SBF1: variants seen among roughly 807,000 people sequenced by gnomAD.
SBF1 encodes the protein SET binding factor 1.
Under a neutral mutation model 215.8 loss-of-function variants are expected in SBF1, and 65 were observed. That is an observed-to-expected ratio of 0.30 (90% CI 0.25 to 0.37). The LOEUF is 0.37. Among genes scored for constraint, SBF1 ranks in the 10% least tolerant of loss-of-function variants. The pLI is 1.00. For missense variants in SBF1, 2,634 were observed against 2,667.8 expected (o/e 0.99, Z 0.28); for synonymous variants, 1,410 against 1,122.8 (o/e 1.26, Z -5.11).
In SBF1 at chr22:50,461,169, C is replaced by T. The variant is rs933890831; in HGVS notation, c.2957G>A (p.Cys986Tyr). The change falls in exon 23 of 41, where the codon TGC becomes TAC. Residue 986 changes from cysteine (C) to tyrosine (Y), a missense_variant. Cys to Tyr is a radical substitution (Grantham distance 194, BLOSUM62 -2). Transcript: ENST00000380817. ...LLQDGLQLRS[C>Y]TFQLLKMAFD... ...CGCACCGCGCCCCACCTGGAATGTG[C>T]AGGAGCGCAGCTGGAGCCCGTCCTG... is the stretch of plus-strand genomic sequence containing the variant. 1.2e-6 allele frequency: 2 copies of T among 1,604,760 alleles called. No individual in the cohort carries two copies. Among genetic ancestry groups the T allele is most frequent in the African/African-American group, 1.3e-5 (1 of 74,728 alleles).
chr22:50,463,444 G>T lies in SBF1; in HGVS notation c.1750-12C>A, dbSNP rs752142179. On this transcript the variant is annotated splice_polypyrimidine_tract_variant and intron_variant, in intron 15 of 40. Transcript: ENST00000380817. Reference sequence around the variant, plus strand: ...ACGGCTGGGAGCAGCTGGGGGTGGGGAAAGGAGACACGGGCTGAGGGCACA... The same window carrying T: ...ACGGCTGGGAGCAGCTGGGGGTGGGTAAAGGAGACACGGGCTGAGGGCACA... The T allele has an allele frequency of 2.6e-6, 4 of 1,557,950 alleles. No homozygotes were observed. The African/African-American group carries it at 4.1e-5, about 16-fold the overall frequency.
Position 50,461,843 on chromosome 22 carries a change from G to A in SBF1, c.2596C>T (p.Leu866=). The A allele has an allele frequency of 6.2e-7, 1 of 1,613,850 alleles. No individual in the cohort carries two copies. The highest frequency in any genetic ancestry group is 8.5e-7 in the Non-Finnish European group (1 of 1,180,030). Residue 866 remains leucine (L), a synonymous_variant, in exon 21 of 41, where the codon CTG becomes TTG. Transcript: ENST00000380817. ...PDIVQMHIET[L]EAVQRESRRL... is the part of the protein sequence containing the mutation. ...CGGCTCTCCCGCTGCACGGCCTCCAGGGTCTCGATGTGCATCTGGACAATG... is the reference window on the plus strand; with the variant it reads ...CGGCTCTCCCGCTGCACGGCCTCCAAGGTCTCGATGTGCATCTGGACAATG...
rs776024454 is a variant in SBF1 at position 50,474,778 on chromosome 22, G to A, written c.55+8C>T. 2.7e-4 allele frequency: 396 copies of A among 1,463,368 alleles called. No individual in the cohort carries two copies. The highest frequency in any genetic ancestry group is 3.5e-4 in the Non-Finnish European group (385 of 1,111,842). The allele number at this position is 1,463,368 out of a possible 1,614,324, so 90.6% of individuals were successfully genotyped here. A position where few individuals can be genotyped will look rare whatever the true frequency, so the allele number is the denominator to read the frequency against. ...CCCCGGCCCTCAGCGCTTGGCCTCG[G>A]CACTCACCGCGCGGGTGCGGCCCGA... On this transcript the variant is annotated splice_region_variant and intron_variant, in intron 1 of 40. Coordinates refer to ENST00000380817, the MANE Select transcript of SBF1 (RefSeq NM_002972.4).
In SBF1 at chr22:50,448,587, G is replaced by A. The variant is rs531466401; in HGVS notation, c.5107C>T (p.Arg1703Trp). The change falls in exon 37 of 41, where the codon CGG (arginine) becomes TGG (tryptophan). Residue 1703 changes from arginine to tryptophan, a missense_variant. Transcript: ENST00000380817. ...PAERWKDTWD[R>W]VKAAQRLEGR... ...TCGAGGCGCTGTGCAGCCTTCACCC[G>A]GTCCCAGGTGTCCTTCCAGCGCTCA... 3.0e-5 allele frequency: 49 copies of A among 1,612,058 alleles called. No individual in the cohort carries two copies. The highest frequency in any genetic ancestry group is 1.6e-4 in the East Asian group (7 of 44,884).
rs1026571113 is a variant in SBF1 at position 50,449,656 on chromosome 22, A to ACACC, written c.5044-1007_5044-1006insGGTG. Among the ~76,000 whole-genome samples, 934 of 148,432 alleles carry ACACC rather than the reference A, an allele frequency of 6.3e-3. 11 individuals carry two copies. The highest frequency in any genetic ancestry group is 0.021 in the African/African-American group (819 of 39,790). On this transcript the variant is annotated intron_variant, in intron 36 of 40. Transcript: ENST00000380817. ...CACACACACACACACACACACACAC[A>ACACC]CCCCAAAATGGGACAGAAAAACTGC...
chr22:50,447,882 C>G (rs565737224), intron 38 of SBF1, among the ~76,000 whole-genome samples: 2 of 152,354 alleles, frequency 1.3e-5, no homozygotes, highest in South Asian at 4.1e-4. Context: ...ACCAGAGCCT[C>G]AGGGTCTTGG....
chr22:50,465,659 G>C, intron 10 of SBF1, 104 bp downstream of exon 10: 1 of 1,094,288 alleles, frequency 9.1e-7, no homozygotes, highest in Admixed American at 2.8e-5. Flanking sequence ...TACTGGAGCC[G>C]GGGCCAGCCT....
At position 50,461,252 on chromosome 22, in the gene SBF1, C is replaced by A; in HGVS notation, c.2874G>T (p.Val958=). The change falls in exon 23 of 41, where the codon GTG becomes GTT. Residue 958 remains valine, a synonymous_variant. Coordinates refer to ENST00000380817, the MANE Select transcript of SBF1 (RefSeq NM_002972.4). ...TGCGCTTCTCCTTGGTCAGCGCAGC[C>A]ACCGGGAAGGAGCGGACCACCACCT... ...GEQVVVRSFP[V]AALTKEKRIS... 1 of 1,613,178 alleles carries A rather than the reference C, an allele frequency of 6.2e-7. No homozygotes were observed. The highest frequency in any genetic ancestry group is 8.5e-7 in the Non-Finnish European group (1 of 1,179,500).
At chr22:50,468,636 A>G (rs192615096) in intron 1 of SBF1, among the ~76,000 whole-genome samples, 175 bp from the exon 2 acceptor site, 1 of 152,012 alleles carries the variant, frequency 6.6e-6, no homozygotes, top group African/African-American at 2.4e-5. Flanking sequence ...TGCAGACCCC[A>G]GGGCCACCTG....
At chr22:50,458,896 A>G (rs1458596777) in intron 28 of SBF1, among the ~76,000 whole-genome samples, 1 of 152,220 alleles carries the variant, frequency 6.6e-6, no homozygotes, top group Admixed American at 6.5e-5. Flanking sequence ...CTGGGAGGGA[A>G]CAGGACAGAG....
intron 38 of SBF1, 60 bp from the exon 39 acceptor site, chr22:50,447,669 C>T: frequency 4.7e-6 from 6 of 1,277,968 alleles, no homozygotes; most frequent in African/African-American, 4.4e-5. Flanking sequence ...AGCCCAGGCC[C>T]CAGCAGTCGT....
In SBF1 at chr22:50,460,008, G is replaced by A. The variant is rs1345260211; in HGVS notation, c.3435C>T (p.Ala1145=). ...GAGAAATGCGGAAGGGCTCAGACTT[G>A]GCCCGGCTCAGGCTGCTGCTCAGGG... The part of the protein sequence containing the change: ...LGTLSSSLSR[A]KSEPFRISPV... Residue 1145 remains alanine, a synonymous_variant, in exon 26 of 41, where the codon GCC becomes GCT. Transcript: ENST00000380817. 1 of 1,613,968 alleles carries A rather than the reference G, an allele frequency of 6.2e-7. No individual in the cohort carries two copies. Among genetic ancestry groups the A allele is most frequent in the Non-Finnish European group, 8.5e-7 (1 of 1,179,972 alleles).
In SBF1 at chr22:50,465,749, G is replaced by A. The variant is rs767409867; in HGVS notation, c.1089+14C>T. 3 of 1,587,698 alleles carry A rather than the reference G, an allele frequency of 1.9e-6. No individual in the cohort carries two copies. The highest frequency in any genetic ancestry group is 3.6e-5 in the Admixed American group (2 of 55,918). On this transcript the variant is annotated intron_variant, in intron 10 of 40. Transcript: ENST00000380817. ...TGCCTGGGGTCCCCATGCAGGAGCA[G>A]CAACGACCCCCACCTGCATCTTCAG...
chr22:50,463,360 G>A lies in SBF1; in HGVS notation c.1822C>T (p.His608Tyr), dbSNP rs770057605. The stretch of plus-strand genomic sequence containing the variant: ...AGGACCGCACGGTTCTGCTGCACAT[G>A]CAGGTGCAGCTCCTGGGCGAGGCAG... ...RRCLAQELHL[H>Y]VQQNRAVLDH... The change falls in exon 16 of 41, where the codon CAT becomes TAT. Residue 608 changes from histidine (H) to tyrosine (Y), a missense_variant. Transcript: ENST00000380817. 1.9e-6 allele frequency: 3 copies of A among 1,610,190 alleles called. No homozygotes were observed. The highest frequency in any genetic ancestry group is 2.5e-6 in the Non-Finnish European group (3 of 1,178,224).
rs1427406908 is a variant in SBF1 at position 50,459,349 on chromosome 22, G to A, written c.3732C>T (p.Tyr1244=). 6 of 1,612,678 alleles carry A rather than the reference G, an allele frequency of 3.7e-6. No individual in the cohort carries two copies. The highest frequency in any genetic ancestry group is 1.3e-5 in the African/African-American group (1 of 74,926). ...ADSSSLEQEK[Y]LQAVVSSMPR... ...GCATGGAGCTGACCACAGCCTGCAG[G>A]TACTTCTCCTGCTCCAGGCTACTCG... Residue 1244 remains tyrosine (Y), a synonymous_variant, in exon 28 of 41, where the codon TAC becomes TAT. Coordinates refer to ENST00000380817, the MANE Select transcript of SBF1 (RefSeq NM_002972.4).
chr22:50,474,869 C>T lies in SBF1; in HGVS notation c.-29G>A, dbSNP rs1302868493. 2 of 1,355,744 alleles carry T rather than the reference C, an allele frequency of 1.5e-6. No individual in the cohort carries two copies. Among genetic ancestry groups the T allele is most frequent in the Admixed American group, 3.7e-5 (1 of 26,780 alleles). 84.0% of individuals were successfully genotyped at this position (1,355,744 alleles called of 1,614,324 possible). ...GAGGGACGCGGGGCGGCCCGAGGGGCGCGGGCGGGCTCCGCGGCTCGGGGA... is the reference window on the plus strand; with the variant it reads ...GAGGGACGCGGGGCGGCCCGAGGGGTGCGGGCGGGCTCCGCGGCTCGGGGA... On this transcript the variant is annotated 5_prime_UTR_variant, in exon 1 of 41. Coordinates refer to ENST00000380817, the MANE Select transcript of SBF1 (RefSeq NM_002972.4).
chr22:50,460,084 C>A lies in SBF1; in HGVS notation c.3359G>T (p.Ser1120Ile). 6.2e-7 allele frequency: 1 copy of A among 1,613,928 alleles called. No individual in the cohort carries two copies. Among genetic ancestry groups the A allele is most frequent in the Non-Finnish European group, 8.5e-7 (1 of 1,179,992 alleles). Residue 1120 changes from serine to isoleucine, a missense_variant, in exon 26 of 41, where the codon AGC (serine) becomes ATC (isoleucine). Physicochemically the swap from Ser to Ile is moderately radical, Grantham distance 142. Coordinates refer to ENST00000380817, the MANE Select transcript of SBF1 (RefSeq NM_002972.4). ...GCGACAGCAAGCCCTTTCCACCAGG[C>A]TGCTCATGGTCATGCGGTCGGAGGG... ...LKPSDRMTMS[S>I]LVERACCRDY...
chr22:50,468,852 C>T (rs992485155), intron 1 of SBF1, among the ~76,000 whole-genome samples: 3 of 152,148 alleles, frequency 2.0e-5, no homozygotes, highest in African/African-American at 7.2e-5. Context: ...GGGCATCCCC[C>T]AGAGCTCCCT....
chr22:50,457,780 C>T lies in SBF1; in HGVS notation c.3827-669G>A, dbSNP rs550326424. Among the ~76,000 whole-genome samples, 510 of 152,348 alleles carry T rather than the reference C, an allele frequency of 3.3e-3. 3 individuals are homozygous for T. The highest frequency in any genetic ancestry group is 5.9e-3 in the Non-Finnish European group (402 of 68,032). On this transcript the variant is annotated intron_variant, in intron 28 of 40. Transcript: ENST00000380817. ...CTGGGGTCCACAGAGGGTCTCTGGG[C>T]GCCTGGCCCTGCCCAGGCTCACCTG...
Sources: allele counts gnomAD v4.1 joint callset (sites outside exome capture counted in the v4.1 genomes callset), GRCh38; gene constraint gnomAD v4.1.1; transcripts MANE v1.5; gene names NCBI Gene and HGNC (gene_info 2026-07-23, HGNC 2026-07-21).